Variants in HS6ST3 observed in about 807,000 individuals in gnomAD.
HS6ST3 encodes heparan sulfate 6-O-sulfotransferase 3.
In HS6ST3, 12 loss-of-function variants were observed where a neutral mutation model predicts 36.7. The observed-to-expected ratio is 0.33, with a 90% CI of 0.21 to 0.53. The LOEUF is 0.53. Among genes scored for constraint, HS6ST3 ranks in the 20% least tolerant of loss-of-function variants. The pLI, the probability that HS6ST3 is intolerant of heterozygous loss-of-function variation, is 0.95. For missense variants in HS6ST3, 584 were observed against 640.9 expected, an observed-to-expected ratio of 0.91 and a Z score of 0.96; for synonymous variants, 240 against 257.5, an observed-to-expected ratio of 0.93 and a Z score of 0.65.
intron 1 of HS6ST3, among the ~76,000 whole-genome samples, chr13:96,144,954 A>G (rs113645734): frequency 6.6e-6 from 1 of 151,150 alleles, no homozygotes; most frequent in African/African-American, 2.4e-5. Context: ...AGCTTCCTCT[A>G]TGTTCCTACA....
intron 1 of HS6ST3, among the ~76,000 whole-genome samples, chr13:96,136,718 T>TATATATATATAG (rs2054004273): frequency 2.3e-5 from 3 of 128,862 alleles, no homozygotes; most frequent in Non-Finnish European, 5.0e-5. Context: ...TATATATATA[T>TATATATATATAG]AGTAAAATGG....
chr13:96,281,089 C>T (rs894696026), intron 1 of HS6ST3, among the ~76,000 whole-genome samples: 6 of 152,132 alleles, frequency 3.9e-5, no homozygotes, highest in Non-Finnish European at 7.3e-5. Context: ...TCACTGCAAC[C>T]TCTGCCTCCT....
chr13:96,323,263 T>C (rs1364852348), intron 1 of HS6ST3, among the ~76,000 whole-genome samples: 1 of 152,220 alleles, frequency 6.6e-6, no homozygotes, highest in Admixed American at 6.5e-5. Flanking sequence ...AATCTACTCC[T>C]TCCACAGTCA....
chr13:96,549,349 T>TA (rs1485323068), intron 1 of HS6ST3, among the ~76,000 whole-genome samples: 1 of 152,212 alleles, frequency 6.6e-6, no homozygotes, highest in African/African-American at 2.4e-5. Context: ...TTCAAATAGA[T>TA]AGTTTATCAG....
chr13:96,171,282 C>T (rs1385501176), intron 1 of HS6ST3, among the ~76,000 whole-genome samples: 9 of 152,200 alleles, frequency 5.9e-5, no homozygotes, highest in African/African-American at 1.4e-4. Context: ...CCACCTTCCT[C>T]GACCCTTTCT....
intron 1 of HS6ST3, among the ~76,000 whole-genome samples, chr13:96,222,543 G>C (rs1211228816): frequency 1.3e-5 from 2 of 152,166 alleles, no homozygotes; most frequent in Non-Finnish European, 2.9e-5. Context: ...AATGAAAATT[G>C]CCCACTGAAA....
At chr13:96,307,022 T>C (rs2054917213) in intron 1 of HS6ST3, among the ~76,000 whole-genome samples, 1 of 152,146 alleles carries the variant, frequency 6.6e-6, no homozygotes, top group Non-Finnish European at 1.5e-5. Flanking sequence ...CCAAAATTCA[T>C]ACACCAAATA....
intron 1 of HS6ST3, among the ~76,000 whole-genome samples, chr13:96,452,908 A>G (rs1191874231): frequency 2.6e-5 from 4 of 152,166 alleles, no homozygotes; most frequent in Non-Finnish European, 4.4e-5. Context: ...CTTGCAAGCT[A>G]ACAGGTTACT....
At chr13:96,331,238 T>C (rs1594755343) in intron 1 of HS6ST3, among the ~76,000 whole-genome samples, 1 of 152,240 alleles carries the variant, frequency 6.6e-6, no homozygotes, top group East Asian at 1.9e-4. Context: ...TGCGTTCCTT[T>C]GGAGGAGGAG....
At chr13:96,675,424 G>A (rs538098400) in intron 1 of HS6ST3, among the ~76,000 whole-genome samples, 8 of 151,688 alleles carry the variant, frequency 5.3e-5, no homozygotes, top group South Asian at 2.1e-4. Context: ...TGTGTTTGTC[G>A]CTCAATTTTC....
intron 1 of HS6ST3, among the ~76,000 whole-genome samples, chr13:96,227,142 A>T (rs922674389): frequency 1.3e-5 from 2 of 152,222 alleles, no homozygotes; most frequent in Non-Finnish European, 2.9e-5. Flanking sequence ...TCCATACAAA[A>T]GTACAAATAC....
At chr13:96,757,109 G>T (rs1876849929) in intron 1 of HS6ST3, among the ~76,000 whole-genome samples, 1 of 152,168 alleles carries the variant, frequency 6.6e-6, no homozygotes, top group African/African-American at 2.4e-5. Context: ...TTTGGCTATA[G>T]AATTCATATA....
chr13:96,094,485 TA>T (rs2139291330), intron 1 of HS6ST3, among the ~76,000 whole-genome samples: 1 of 152,300 alleles, frequency 6.6e-6, no homozygotes, highest in African/African-American at 2.4e-5. Flanking sequence ...GTTGCAAACT[TA>T]AACAATAAGT....
At chr13:96,731,208 A>G (rs1208210748) in intron 1 of HS6ST3, among the ~76,000 whole-genome samples, 1 of 152,212 alleles carries the variant, frequency 6.6e-6, no homozygotes, top group African/African-American at 2.4e-5. Context: ...CTAACTATAA[A>G]TATAGTTTAA....
intron 1 of HS6ST3, among the ~76,000 whole-genome samples, chr13:96,565,344 T>C (rs2056277180): frequency 6.6e-6 from 1 of 151,960 alleles, no homozygotes; most frequent in South Asian, 2.1e-4. Context: ...CTCCACAGAC[T>C]CCCTTGAAAT....
At chr13:96,807,579 C>G (rs1193464942) in intron 1 of HS6ST3, among the ~76,000 whole-genome samples, 1 of 151,982 alleles carries the variant, frequency 6.6e-6, no homozygotes, top group Non-Finnish European at 1.5e-5. Flanking sequence ...AGGAGGGAGG[C>G]CTTTATGAAA....
At chr13:96,439,365 T>C (rs2055658830) in intron 1 of HS6ST3, among the ~76,000 whole-genome samples, 1 of 152,232 alleles carries the variant, frequency 6.6e-6, no homozygotes, top group Non-Finnish European at 1.5e-5. Context: ...TCTCTTAAAT[T>C]ATAGCAAGAT....
chr13:96,546,643 G>T (rs538751342), intron 1 of HS6ST3, among the ~76,000 whole-genome samples: 10 of 152,236 alleles, frequency 6.6e-5, no homozygotes, highest in Admixed American at 5.9e-4. Context: ...TTTTAACACA[G>T]AAATAATTTG....
intron 1 of HS6ST3, among the ~76,000 whole-genome samples, chr13:96,391,552 C>T (rs898691347): frequency 6.6e-6 from 1 of 152,062 alleles, no homozygotes; most frequent in Non-Finnish European, 1.5e-5. Flanking sequence ...TTTCACACTG[C>T]CGATAGACAT....
Sources: allele counts gnomAD v4.1 joint callset (sites outside exome capture counted in the v4.1 genomes callset), GRCh38; gene constraint gnomAD v4.1.1; transcripts MANE v1.5; gene names NCBI Gene and HGNC (gene_info 2026-07-23, HGNC 2026-07-21).